The following CNTNAP5 variants were observed in gnomAD, a reference collection of about 807,000 sequenced individuals.
The protein encoded by CNTNAP5 is contactin associated protein family member 5.
A neutral mutation model predicts 150.2 loss-of-function variants in CNTNAP5; 72 were observed. That is an observed-to-expected ratio of 0.48 (90% CI 0.40 to 0.58). The LOEUF is 0.58. Ranked by LOEUF, CNTNAP5 falls within the 20% of genes least tolerant of loss-of-function variation. The probability of loss-of-function intolerance (pLI) is 0.00; values close to 1 mark genes in which losing one functional copy is unlikely to be tolerated. For synonymous variants in CNTNAP5, 672 were observed against 619.8 expected (o/e 1.08, Z -1.25); for missense variants, 1,636 against 1,626.2 (o/e 1.01, Z -0.10).
chr2:124,231,046 G>T (rs1686604803), intron 2 of CNTNAP5, among the ~76,000 whole-genome samples: 1 of 152,102 alleles, frequency 6.6e-6, no homozygotes, highest in African/African-American at 2.4e-5. Flanking sequence ...TAGAAGCTGG[G>T]ACATCCACCA....
intron 19 of CNTNAP5, among the ~76,000 whole-genome samples, chr2:124,850,713 G>C (rs1683136705): frequency 6.6e-6 from 1 of 152,102 alleles, no homozygotes; most frequent in Admixed American, 6.6e-5. Context: ...AAGAAAGCAA[G>C]GTGACATCGA....
chr2:124,225,227 G>A (rs1353621071), intron 2 of CNTNAP5, among the ~76,000 whole-genome samples: 2 of 152,050 alleles, frequency 1.3e-5, no homozygotes, highest in African/African-American at 2.4e-5. Context: ...AATGTTCTGA[G>A]CCCTTAAGGT....
chr2:124,863,905 A>C (rs1335488021), intron 19 of CNTNAP5, among the ~76,000 whole-genome samples: 1 of 152,196 alleles, frequency 6.6e-6, no homozygotes, highest in Non-Finnish European at 1.5e-5. Context: ...CTTTCTCCCC[A>C]ATGGCCATCA....
chr2:124,560,094 A>G, intron 10 of CNTNAP5, among the ~76,000 whole-genome samples: 1 of 152,208 alleles, frequency 6.6e-6, no homozygotes, highest in East Asian at 1.9e-4. Flanking sequence ...ATTGTAAAAC[A>G]AGGTCTGTGT....
chr2:124,198,212 A>G (rs1391136659), intron 1 of CNTNAP5, among the ~76,000 whole-genome samples: 1 of 151,598 alleles, frequency 6.6e-6, no homozygotes, highest in Non-Finnish European at 1.5e-5. Context: ...GTCTTCAGAT[A>G]TTTTGAATAT....
intron 19 of CNTNAP5, among the ~76,000 whole-genome samples, chr2:124,837,486 T>C (rs1682855673): frequency 6.6e-6 from 1 of 152,122 alleles, no homozygotes; most frequent in Non-Finnish European, 1.5e-5. Context: ...CTACCGAAGA[T>C]AGTTATCCAG....
chr2:124,776,625 T>C (rs192258452), intron 17 of CNTNAP5, among the ~76,000 whole-genome samples: 9 of 152,312 alleles, frequency 5.9e-5, no homozygotes, highest in African/African-American at 1.2e-4. Context: ...ACTTATATTT[T>C]ATGCTTGTGA....
chr2:124,599,942 G>C (rs1696943965), intron 11 of CNTNAP5, among the ~76,000 whole-genome samples: 1 of 151,992 alleles, frequency 6.6e-6, no homozygotes, highest in African/African-American at 2.4e-5. Context: ...TGAATAACTT[G>C]AGATTTAGAA....
intron 3 of CNTNAP5, among the ~76,000 whole-genome samples, chr2:124,386,280 A>G (rs368259346): frequency 4.5e-4 from 68 of 152,352 alleles, no homozygotes; most frequent in African/African-American, 1.4e-3. Context: ...CATGCCCTTA[A>G]GAAGCTTGCA....
intron 1 of CNTNAP5, among the ~76,000 whole-genome samples, chr2:124,176,842 G>GTTTTTTT (rs71394026): frequency 1.0e-4 from 12 of 119,914 alleles, no homozygotes; most frequent in African/African-American, 1.6e-4. Flanking sequence ...GTTATTGCTG[G>GTTTTTTT]TTTTTTTTTT....
intron 13 of CNTNAP5, among the ~76,000 whole-genome samples, chr2:124,660,227 G>A (rs1476433060): frequency 3.3e-5 from 5 of 152,156 alleles, no homozygotes; most frequent in Non-Finnish European, 5.9e-5. Flanking sequence ...TAGAGAGAAC[G>A]CACTGAGTCT....
intron 1 of CNTNAP5, among the ~76,000 whole-genome samples, chr2:124,067,035 A>G (rs1449854185): frequency 1.3e-5 from 2 of 152,320 alleles, no homozygotes; most frequent in African/African-American, 2.4e-5. Flanking sequence ...TTAGACTACA[A>G]GTACCTAGAA....
chr2:124,632,540 T>C (rs575074572), intron 12 of CNTNAP5, among the ~76,000 whole-genome samples: 3 of 151,926 alleles, frequency 2.0e-5, no homozygotes, highest in East Asian at 2.0e-4. Context: ...ACAGCACTTA[T>C]TGGGGCCTGT....
chr2:124,381,532 A>C (rs1013381082), intron 3 of CNTNAP5, among the ~76,000 whole-genome samples: 1 of 150,046 alleles, frequency 6.7e-6, no homozygotes. Flanking sequence ...TGATAGGATC[A>C]CCCCCCCCTC....
At position 124,555,534 on chromosome 2, in the gene CNTNAP5, T is replaced by C. The variant is rs189761861; in HGVS notation, c.1650-7683T>C. ...TACACATTGATGAACTCTTACATTTTTCTGTACTTGTGGGATTATACAACT... is the reference window on the plus strand; with the variant it reads ...TACACATTGATGAACTCTTACATTTCTCTGTACTTGTGGGATTATACAACT... On this transcript the variant is annotated intron_variant, in intron 10 of 23. Coordinates refer to ENST00000682447, the MANE Select transcript of CNTNAP5 (RefSeq NM_001367498.1). 8.5e-5 allele frequency among the ~76,000 whole-genome samples: 13 copies of C among 152,372 alleles called. No individual in the cohort carries two copies. In the East Asian group the frequency reaches 2.5e-3, roughly 29 times the overall value.
chr2:124,848,378 A>G (rs1683092645), intron 19 of CNTNAP5, among the ~76,000 whole-genome samples: 1 of 152,174 alleles, frequency 6.6e-6, no homozygotes, highest in South Asian at 2.1e-4. Flanking sequence ...TGGCTAAATA[A>G]TGTACCACTT....
chr2:124,905,126 G>GTTT (rs55885763), intron 22 of CNTNAP5, among the ~76,000 whole-genome samples: 2 of 126,982 alleles, frequency 1.6e-5, no homozygotes, highest in South Asian at 2.6e-4. Context: ...GTTTTTTTTT[G>GTTT]TTTTTTTTTT....
chr2:124,092,762 TTG>T (rs1335957129), intron 1 of CNTNAP5, among the ~76,000 whole-genome samples: 1 of 152,218 alleles, frequency 6.6e-6, no homozygotes, highest in African/African-American at 2.4e-5. Context: ...GTATCTATGC[TTG>T]TCTCTTGCTT....
intron 3 of CNTNAP5, among the ~76,000 whole-genome samples, chr2:124,383,947 T>C (rs531318309): frequency 6.6e-6 from 1 of 152,212 alleles, no homozygotes; most frequent in Non-Finnish European, 1.5e-5. Flanking sequence ...CTCTAAATAA[T>C]TCTTTAGTTT....
Sources: allele counts gnomAD v4.1 joint callset (sites outside exome capture counted in the v4.1 genomes callset), GRCh38; gene constraint gnomAD v4.1.1; transcripts MANE v1.5; gene names NCBI Gene and HGNC (gene_info 2026-07-23, HGNC 2026-07-21).